GALNT17: variants seen among roughly 807,000 people sequenced by gnomAD.
GALNT17 encodes polypeptide N-acetylgalactosaminyltransferase 17, also known as UDP-GalNAc:polypeptide N-acetylgalactosaminyltransferase-like 3.
A neutral mutation model predicts 63.7 loss-of-function variants in GALNT17; 29 were observed. That is an observed-to-expected ratio of 0.46 (90% confidence interval 0.34 to 0.62). The LOEUF (loss-of-function observed/expected upper bound fraction) is 0.62. Ranked by LOEUF, GALNT17 falls within the 20% of genes least tolerant of loss-of-function variation. GALNT17 has a pLI of 0.01. For missense variants in GALNT17, 603 were observed against 799.6 expected (o/e 0.75, Z 2.97); for synonymous variants, 305 against 318.3 (o/e 0.96, Z 0.45).
intron 1 of GALNT17, chr7:71,284,683 A>T (rs187676335): frequency 1.3e-5 from 2 of 152,096 alleles, no homozygotes; most frequent in African/African-American, 4.8e-5. Context: ...AGTCTTGACT[A>T]TGTCTTTAGT....
chr7:71,624,117 G>A lies in GALNT17; in HGVS notation c.1081-41294G>A, dbSNP rs113581419. Reference sequence around the variant, plus strand: ...GTCCCACTCTGTGCTTACGGTTGGGGTCAGCAGTGAGGTGCTGATTTCCTG... The same window carrying A: ...GTCCCACTCTGTGCTTACGGTTGGGATCAGCAGTGAGGTGCTGATTTCCTG... On this transcript the variant is annotated intron_variant, in intron 6 of 10. Coordinates refer to ENST00000333538, the MANE Select transcript of GALNT17 (RefSeq NM_022479.3). Among the ~76,000 whole-genome samples, 909 of 152,262 alleles carry A rather than the reference G, an allele frequency of 6.0e-3. 8 individuals carry two copies. Among genetic ancestry groups the A allele is most frequent in the African/African-American group, 0.02 (842 of 41,550 alleles).
chr7:71,210,388 C>A (rs115210769), intron 1 of GALNT17, among the ~76,000 whole-genome samples: 6 of 152,082 alleles, frequency 3.9e-5, no homozygotes, highest in Non-Finnish European at 7.4e-5. Flanking sequence ...TCTCCTGCCT[C>A]GGCCTCCCAA....
rs539625010 is a variant in GALNT17 at position 71,710,834 on chromosome 7, G to A, written c.1574G>A (p.Arg525His). 9.9e-6 allele frequency: 16 copies of A among 1,613,684 alleles called. No individual in the cohort carries two copies. The highest frequency in any genetic ancestry group is 8.3e-5 in the Admixed American group (5 of 60,008). ...ACCACCACACTCCTCCCTGACACCC[G>A]CTGCCTGGTGGACAACTCCAAGAGT... ...LGTTTLLPDT[R>H]CLVDNSKSRL... Residue 525 changes from arginine (R) to histidine (H), a missense_variant, in exon 10 of 11, where the codon CGC (arginine) becomes CAC (histidine). Physicochemically the swap from Arg to His is conservative, Grantham distance 29 (BLOSUM62 0). Around this residue, in one of 3 missense-constraint regions of GALNT17, gnomAD observed 336 missense variants for 507.8 expected, o/e 0.66. Transcript: ENST00000333538.
At position 71,148,548 on chromosome 7, in the gene GALNT17, G is replaced by A. The variant is rs548083333; in HGVS notation, c.238+15508G>A. 3.9e-5 allele frequency among the ~76,000 whole-genome samples: 6 copies of A among 152,102 alleles called. No individual in the cohort carries two copies. In the South Asian group the frequency reaches 1.2e-3, roughly 31 times the overall value. On this transcript the variant is annotated intron_variant, in intron 1 of 10. Coordinates refer to ENST00000333538, the MANE Select transcript of GALNT17 (RefSeq NM_022479.3). The stretch of plus-strand genomic sequence containing the variant: ...GGAACAGCATTTGCATTGTGAATCC[G>A]CAGTGTCTACCATGCCCTCTCTACC...
At chr7:71,216,191 T>C (rs1431022859) in intron 1 of GALNT17, among the ~76,000 whole-genome samples, 1 of 151,998 alleles carries the variant, frequency 6.6e-6, no homozygotes, top group Non-Finnish European at 1.5e-5. Context: ...CACTTCAGCA[T>C]GGGCAACAGA....
intron 1 of GALNT17, among the ~76,000 whole-genome samples, chr7:71,255,869 C>T (rs965385021): frequency 1.3e-5 from 2 of 152,128 alleles, no homozygotes; most frequent in African/African-American, 4.8e-5. Flanking sequence ...CATGAATGGA[C>T]CACTGTCCTC....
intron 6 of GALNT17, among the ~76,000 whole-genome samples, chr7:71,607,873 G>A (rs1790069587): frequency 6.6e-6 from 1 of 152,144 alleles, no homozygotes. Context: ...ACTTCCTTGG[G>A]ATGCACACTG....
chr7:71,291,760 CAT>C (rs1424167489), intron 1 of GALNT17, among the ~76,000 whole-genome samples: 3 of 152,148 alleles, frequency 2.0e-5, no homozygotes, highest in African/African-American at 7.2e-5. Context: ...AGCATGTAAT[CAT>C]ATAATTGAAT....
At chr7:71,307,545 G>T (rs191538373) in intron 1 of GALNT17, 2 of 151,940 alleles carry the variant, frequency 1.3e-5, no homozygotes, top group Non-Finnish European at 2.9e-5. Flanking sequence ...ATAGAGACAG[G>T]TCTTAAGAGA....
chr7:71,458,058 C>T (rs935817655), intron 5 of GALNT17, among the ~76,000 whole-genome samples: 4 of 152,106 alleles, frequency 2.6e-5, no homozygotes, highest in South Asian at 4.1e-4. Context: ...TCTCCAATCC[C>T]CACACTGTCA....
chr7:71,552,282 C>A (rs780641069), intron 5 of GALNT17, among the ~76,000 whole-genome samples: 1 of 151,692 alleles, frequency 6.6e-6, no homozygotes, highest in Non-Finnish European at 1.5e-5. Flanking sequence ...TGGCCTCAAA[C>A]AATCCACCCA....
rs187152296 is a variant in GALNT17 at position 71,377,564 on chromosome 7, G to A, written c.423-10671G>A. Among the ~76,000 whole-genome samples the A allele has an allele frequency of 1.8e-3, 269 of 152,140 alleles. 1 individual carries two copies. Among genetic ancestry groups the A allele is most frequent in the African/African-American group, 6.2e-3 (258 of 41,510 alleles). On this transcript the variant is annotated intron_variant, in intron 2 of 10. Coordinates refer to ENST00000333538, the MANE Select transcript of GALNT17 (RefSeq NM_022479.3). ...CTGCTTCTGAGGGAAGCTGTTAAAA[G>A]GTATGAATTCTCTCCCCAGCAAAAA... is the stretch of plus-strand genomic sequence containing the variant.
chr7:71,308,136 G>A (rs987531303), intron 1 of GALNT17, among the ~76,000 whole-genome samples: 3 of 152,072 alleles, frequency 2.0e-5, no homozygotes, highest in Non-Finnish European at 2.9e-5. Flanking sequence ...ATAGGAGCAA[G>A]GAAACAAAGT....
chr7:71,552,184 A>G (rs928222340), intron 5 of GALNT17, among the ~76,000 whole-genome samples: 8 of 152,010 alleles, frequency 5.3e-5, no homozygotes, highest in African/African-American at 1.9e-4. Context: ...AGCTGGGACT[A>G]CAGGAGCATG....
chr7:71,607,443 T>C (rs1790063269), intron 6 of GALNT17, among the ~76,000 whole-genome samples: 1 of 152,162 alleles, frequency 6.6e-6, no homozygotes, highest in Non-Finnish European at 1.5e-5. Context: ...TTGAAACACA[T>C]AGAAAAGTTG....
intron 5 of GALNT17, among the ~76,000 whole-genome samples, chr7:71,517,076 C>T (rs1788457582): frequency 2.0e-5 from 3 of 152,306 alleles, no homozygotes; most frequent in African/African-American, 7.2e-5. Context: ...TCAAAGTTCT[C>T]ATGTCTTAGC....
intron 9 of GALNT17, 110 bp from the exon 10 acceptor site, chr7:71,710,651 C>A: frequency 1.6e-6 from 2 of 1,249,174 alleles, no homozygotes; most frequent in South Asian, 1.4e-5. Flanking sequence ...GCCAGGACTG[C>A]AGTATTGACA....
intron 1 of GALNT17, among the ~76,000 whole-genome samples, chr7:71,216,455 A>C (rs73365927): frequency 0.041 from 6,299 of 152,144 alleles, 433 homozygotes; most frequent in African/African-American, 0.14. Flanking sequence ...AGATACATTC[A>C]ACTTCATCTT....
rs6973075 is a variant in GALNT17, at chr7:71,293,265, G to T, written c.239-42285G>T. On this transcript the variant is annotated intron_variant, in intron 1 of 10. Coordinates refer to ENST00000333538, the MANE Select transcript of GALNT17 (RefSeq NM_022479.3). ...TGTGATAGTTCTATTTTTAATTTTT[G>T]GGGGGAACCACTATACTGTTTTCCA... is the stretch of plus-strand genomic sequence containing the variant. Among the ~76,000 whole-genome samples, 459 of 152,080 alleles carry T rather than the reference G, an allele frequency of 3.0e-3. 3 individuals are homozygous for T. Among genetic ancestry groups the T allele is most frequent in the African/African-American group, 0.011 (439 of 41,482 alleles).
Sources: allele counts gnomAD v4.1 joint callset (sites outside exome capture counted in the v4.1 genomes callset), GRCh38; gene constraint gnomAD v4.1.1; regional missense constraint gnomAD v4.1.1; transcripts MANE v1.5; gene names NCBI Gene and HGNC (gene_info 2026-07-23, HGNC 2026-07-21).